CNTNAP5: variants seen among roughly 807,000 people sequenced by gnomAD.
CNTNAP5 encodes the protein contactin-associated protein-like 5.
A neutral mutation model predicts 150.2 loss-of-function variants in CNTNAP5; 72 were observed. That is an observed-to-expected ratio of 0.48 (90% confidence interval 0.40 to 0.58). The LOEUF is 0.58. Ranked by LOEUF, CNTNAP5 falls within the 20% of genes least tolerant of loss-of-function variation. CNTNAP5 has a pLI of 0.00. For missense variants in CNTNAP5, 1,636 were observed against 1,626.2 expected (o/e 1.01, Z -0.10); for synonymous variants, 672 against 619.8 (o/e 1.08, Z -1.25).
At chr2:124,289,264 T>A (rs1187263277) in intron 3 of CNTNAP5, among the ~76,000 whole-genome samples, 1 of 152,244 alleles carries the variant, frequency 6.6e-6, no homozygotes, top group African/African-American at 2.4e-5. Context: ...AAAGTTAACC[T>A]TCACTGTATT....
intron 7 of CNTNAP5, among the ~76,000 whole-genome samples, chr2:124,477,751 A>G (rs990535150): frequency 6.6e-6 from 1 of 150,654 alleles, no homozygotes; most frequent in African/African-American, 2.4e-5. Flanking sequence ...TTCAAGAAAT[A>G]TTTCATAATA....
intron 3 of CNTNAP5, among the ~76,000 whole-genome samples, chr2:124,416,060 A>T (rs1691910369): frequency 6.6e-6 from 1 of 152,142 alleles, no homozygotes; most frequent in Non-Finnish European, 1.5e-5. Flanking sequence ...TTTCTCTCTA[A>T]TATGAGTTGT....
At chr2:124,636,937 T>TA (rs1461033010) in intron 12 of CNTNAP5, among the ~76,000 whole-genome samples, 1 of 94,362 alleles carries the variant, frequency 1.1e-5, no homozygotes, top group Non-Finnish European at 2.9e-5. Context: ...TCAGACATTT[T>TA]AAAAAAATTT....
intron 13 of CNTNAP5, among the ~76,000 whole-genome samples, chr2:124,655,991 G>C (rs1236105320): frequency 7.9e-6 from 1 of 127,262 alleles, no homozygotes; most frequent in Non-Finnish European, 1.7e-5. Context: ...AAGAAAGAAA[G>C]AAAGAAAAAA....
chr2:124,721,395 T>C (rs1680044282), intron 13 of CNTNAP5, among the ~76,000 whole-genome samples: 1 of 151,808 alleles, frequency 6.6e-6, no homozygotes, highest in South Asian at 2.1e-4. Context: ...GGAGAATCAA[T>C]TGCTTGAACC....
At chr2:124,219,380 T>C (rs2104737274) in intron 1 of CNTNAP5, among the ~76,000 whole-genome samples, 1 of 152,274 alleles carries the variant, frequency 6.6e-6, no homozygotes, top group African/African-American at 2.4e-5. Flanking sequence ...AATAAATACA[T>C]AACTACTATA....
chr2:124,551,272 A>G (rs1695621645), intron 10 of CNTNAP5, among the ~76,000 whole-genome samples: 1 of 152,142 alleles, frequency 6.6e-6, no homozygotes, highest in Admixed American at 6.5e-5. Context: ...GACCCTGGAA[A>G]ATTTAGGAAA....
At chr2:124,619,121 A>C (rs1677550439) in intron 12 of CNTNAP5, among the ~76,000 whole-genome samples, 1 of 152,192 alleles carries the variant, frequency 6.6e-6, no homozygotes, top group Non-Finnish European at 1.5e-5. Context: ...GGATGATAAA[A>C]ATCTGGAATG....
At chr2:124,748,318 T>C (rs1004482492) in intron 14 of CNTNAP5, among the ~76,000 whole-genome samples, 8 of 152,180 alleles carry the variant, frequency 5.3e-5, no homozygotes, top group African/African-American at 1.9e-4. Flanking sequence ...ATCAGCCATT[T>C]CTGCAGCCAG....
At chr2:124,780,033 A>C (rs1414616853) in intron 17 of CNTNAP5, among the ~76,000 whole-genome samples, 1 of 152,160 alleles carries the variant, frequency 6.6e-6, no homozygotes, top group Admixed American at 6.5e-5. Flanking sequence ...AATGAAAGTG[A>C]ATGAAGGCAG....
intron 3 of CNTNAP5, among the ~76,000 whole-genome samples, chr2:124,400,676 T>TTG (rs1558884144): frequency 2.9e-5 from 3 of 102,012 alleles, no homozygotes; most frequent in Middle Eastern, 5.1e-3. Flanking sequence ...ATTGTTTTTT[T>TTG]TTTTTTTTTT....
rs948766353 is a variant in CNTNAP5, at chr2:124,201,867, T to C, written c.83-19838T>C. On this transcript the variant is annotated intron_variant, in intron 1 of 23. Transcript: ENST00000682447. ...ATTTCAATACATTTTCCACATTCCA[T>C]AGTAATGGTTCATCTTAGTATCAAC... is the stretch of plus-strand genomic sequence containing the variant. 1.6e-4 allele frequency among the ~76,000 whole-genome samples: 24 copies of C among 152,362 alleles called. 1 individual carries two copies. The highest frequency in any genetic ancestry group is 5.5e-4 in the African/African-American group (23 of 41,582).
intron 1 of CNTNAP5, among the ~76,000 whole-genome samples, chr2:124,193,329 A>G (rs1010925021): frequency 2.0e-5 from 3 of 152,198 alleles, no homozygotes; most frequent in Non-Finnish European, 4.4e-5. Context: ...CATAACCTAT[A>G]GTTGACTTAT....
chr2:124,618,732 C>A (rs1334720072), intron 12 of CNTNAP5, among the ~76,000 whole-genome samples: 2 of 152,076 alleles, frequency 1.3e-5, no homozygotes, highest in East Asian at 1.9e-4. Context: ...TGGAAGATTT[C>A]CATATTGACC....
At chr2:124,393,893 A>G (rs1428443337) in intron 3 of CNTNAP5, among the ~76,000 whole-genome samples, 1 of 152,198 alleles carries the variant, frequency 6.6e-6, no homozygotes, top group East Asian at 1.9e-4. Context: ...TCTTCTCTAT[A>G]TACGAATGAA....
intron 19 of CNTNAP5, among the ~76,000 whole-genome samples, chr2:124,841,278 G>A (rs550345771): frequency 3.4e-4 from 52 of 152,034 alleles, no homozygotes; most frequent in African/African-American, 1.2e-3. Flanking sequence ...CTTCAGGATC[G>A]GAGTTTGGTT....
At chr2:124,164,313 C>A (rs1476899586) in intron 1 of CNTNAP5, among the ~76,000 whole-genome samples, 5 of 152,152 alleles carry the variant, frequency 3.3e-5, no homozygotes, top group Non-Finnish European at 7.4e-5. Context: ...GCTATCTCCT[C>A]AAGGCATGTG....
chr2:124,515,074 T>G (rs1377327519), intron 8 of CNTNAP5, among the ~76,000 whole-genome samples: 1 of 152,220 alleles, frequency 6.6e-6, no homozygotes, highest in Non-Finnish European at 1.5e-5. Flanking sequence ...TTTCCCTTTA[T>G]GCACTGATCA....
intron 14 of CNTNAP5, among the ~76,000 whole-genome samples, chr2:124,761,767 ATTC>A (rs1004849798): frequency 6.6e-6 from 1 of 152,152 alleles, no homozygotes. Context: ...AGGTAAAAAT[ATTC>A]TTAGTAATGT....
Sources: gnomAD v4.1 joint callset for allele counts (sites outside exome capture counted in the v4.1 genomes callset) on GRCh38, gnomAD v4.1.1 for gene constraint, MANE v1.5 for transcripts, NCBI Gene and HGNC (gene_info 2026-07-23, HGNC 2026-07-21) for gene names.